FILIP1: variants seen among roughly 807,000 people sequenced by gnomAD.
FILIP1 encodes filamin-A-interacting protein 1.
FILIP1 carries 61 observed loss-of-function variants against 102.1 expected under a neutral mutation model. The observed-to-expected ratio is 0.60, with a 90% confidence interval of 0.49 to 0.74. The LOEUF is 0.74. Among genes scored for constraint, FILIP1 ranks in the 30% least tolerant of loss-of-function variants. The probability of loss-of-function intolerance (pLI) is 0.00; values close to 1 mark genes in which losing one functional copy is unlikely to be tolerated. For synonymous variants in FILIP1, 491 were observed against 526.9 expected (o/e 0.93, Z 0.93); for missense variants, 1,314 against 1,441.2 (o/e 0.91, Z 1.43).
chr6:75,408,605 C>T (rs561661197), intron 2 of FILIP1, among the ~76,000 whole-genome samples: 1 of 152,110 alleles, frequency 6.6e-6, no homozygotes, highest in South Asian at 2.1e-4. Context: ...TTGTCTACAG[C>T]GTCCAAAATG....
chr6:75,366,146 A>G (rs942711628), intron 2 of FILIP1: 3 of 152,244 alleles, frequency 2.0e-5, no homozygotes, highest in Non-Finnish European at 4.4e-5. Context: ...CCTAATATTT[A>G]TTATGATTTA....
At chr6:75,301,506 A>G (rs531054465) in intron 6 of FILIP1, among the ~76,000 whole-genome samples, 14 of 152,090 alleles carry the variant, frequency 9.2e-5, no homozygotes, top group Admixed American at 4.6e-4. Context: ...TATCCTCTTG[A>G]TCTCTAAGGT....
chr6:75,342,650 T>G (rs1176009580), intron 4 of FILIP1, among the ~76,000 whole-genome samples: 1 of 152,184 alleles, frequency 6.6e-6, no homozygotes, highest in African/African-American at 2.4e-5. Context: ...GGAAGGTGGA[T>G]GAGAGGTCAT....
intron 4 of FILIP1, among the ~76,000 whole-genome samples, chr6:75,347,604 T>A (rs1774635348): frequency 6.6e-6 from 1 of 152,208 alleles, no homozygotes; most frequent in Non-Finnish European, 1.5e-5. Flanking sequence ...AACTTAAGAA[T>A]AATGTTCCAG....
chr6:75,312,861 T>G lies in FILIP1; in HGVS notation c.2971A>C (p.Thr991Pro), dbSNP rs750407136. 4 of 1,614,000 alleles carry G rather than the reference T, an allele frequency of 2.5e-6. No individual in the cohort carries two copies. The African/African-American group carries it at 5.3e-5, about 22-fold the overall frequency. The change falls in exon 5 of 6, where the codon ACT becomes CCT. Residue 991 changes from threonine to proline, a missense_variant. This residue lies in a region of FILIP1 where 816 missense variants were observed against 913.1 expected (regional missense o/e 0.89). Coordinates refer to ENST00000237172, the MANE Select transcript of FILIP1 (RefSeq NM_015687.5). ...AATGCGCCTCTTCCACTTTCTGGAG[T>G]CTTCTCTCTGGAAAATGTAGTAATT... Reference protein sequence around the residue: ...VTITTFSREKTPESGRGAFAD... With the variant: ...VTITTFSREKPPESGRGAFAD...
chr6:75,482,099 T>C (rs917276848), intron 1 of FILIP1, among the ~76,000 whole-genome samples: 6 of 152,186 alleles, frequency 3.9e-5, no homozygotes, highest in Non-Finnish European at 7.3e-5. Context: ...GCATTTCACG[T>C]GCTCATTTTG....
chr6:75,433,069 G>A (rs886131298), intron 1 of FILIP1, among the ~76,000 whole-genome samples: 2 of 152,156 alleles, frequency 1.3e-5, no homozygotes, highest in Admixed American at 6.5e-5. Flanking sequence ...TCTTAATCCA[G>A]TCTATCACTG....
chr6:75,444,535 G>A (rs1263104986), intron 1 of FILIP1, among the ~76,000 whole-genome samples: 5 of 136,090 alleles, frequency 3.7e-5, no homozygotes, highest in Non-Finnish European at 1.6e-5. Flanking sequence ...TAATAAAGTA[G>A]TACTTTGATT....
chr6:75,308,198 G>T lies in FILIP1; in HGVS notation c.*493C>A. 2.0e-6 allele frequency: 2 copies of T among 988,358 alleles called. No individual in the cohort carries two copies. Among genetic ancestry groups the T allele is most frequent in the Non-Finnish European group, 2.4e-6 (2 of 831,552 alleles). 61.2% of individuals were successfully genotyped at this position (988,358 alleles called of 1,614,324 possible). ...GAGGTCCAGGCCCTGTGATAGCTAT[G>T]TGATGTTTTTTCCAGCACATAAAGC... On this transcript the variant is annotated 3_prime_UTR_variant, in exon 6 of 6. Transcript: ENST00000237172.
At chr6:75,485,230 C>T (rs1300383238) in intron 1 of FILIP1, among the ~76,000 whole-genome samples, 3 of 152,172 alleles carry the variant, frequency 2.0e-5, no homozygotes, top group Admixed American at 6.5e-5. Flanking sequence ...GCCTTTACTT[C>T]TTTTTCATTG....
intron 2 of FILIP1, among the ~76,000 whole-genome samples, chr6:75,401,384 A>G (rs1007389367): frequency 1.3e-5 from 2 of 151,918 alleles, no homozygotes; most frequent in Non-Finnish European, 2.9e-5. Flanking sequence ...ACCCTTAACC[A>G]TAGATATTTT....
At chr6:75,296,371 GT>G (rs1562414721) in intron 6 of FILIP1, 2 of 151,376 alleles carry the variant, frequency 1.3e-5, no homozygotes, top group African/African-American at 4.9e-5. Flanking sequence ...GTGTGTGTGT[GT>G]GTGTGTGTGT....
intron 2 of FILIP1, among the ~76,000 whole-genome samples, chr6:75,403,524 A>AAAGAAAG: frequency 7.4e-6 from 1 of 134,748 alleles, no homozygotes; most frequent in Admixed American, 7.7e-5. Context: ...CAAAAAAAAA[A>AAAGAAAG]AAAAAAGAAA....
chr6:75,344,508 T>G (rs555048633), intron 4 of FILIP1, among the ~76,000 whole-genome samples: 2 of 152,216 alleles, frequency 1.3e-5, no homozygotes, highest in Non-Finnish European at 2.9e-5. Context: ...ATGGGGTCAG[T>G]TAGCCTGAGC....
At chr6:75,305,986 C>T (rs1772974098), downstream of FILIP1, among the ~76,000 whole-genome samples, 1 of 152,184 alleles carries the variant, frequency 6.6e-6, no homozygotes, top group African/African-American at 2.4e-5. Context: ...ACAAAAAGCA[C>T]ATTAAGTTGC....
intron 1 of FILIP1, among the ~76,000 whole-genome samples, chr6:75,453,468 T>C (rs1778708424): frequency 6.6e-6 from 1 of 152,214 alleles, no homozygotes; most frequent in African/African-American, 2.4e-5. Flanking sequence ...TAGTATGGGT[T>C]AGACAACTGT....
intron 2 of FILIP1, among the ~76,000 whole-genome samples, chr6:75,392,866 G>A (rs2149659720): frequency 6.6e-6 from 1 of 152,292 alleles, no homozygotes; most frequent in African/African-American, 2.4e-5. Flanking sequence ...CTCTTTGCCT[G>A]GTGCCATCCA....
chr6:75,472,314 T>A (rs529982073), intron 1 of FILIP1, among the ~76,000 whole-genome samples: 44 of 152,246 alleles, frequency 2.9e-4, no homozygotes, highest in Non-Finnish European at 3.1e-4. Flanking sequence ...AAGTGCTCTT[T>A]AATTTCTAAA....
At chr6:75,473,539 TTGTC>T (rs757193096) in intron 1 of FILIP1, among the ~76,000 whole-genome samples, 10 of 152,156 alleles carry the variant, frequency 6.6e-5, no homozygotes, top group South Asian at 2.1e-4. Flanking sequence ...AAAAAAGCCT[TTGTC>T]TGTGCTTCCA....
Sources: allele counts gnomAD v4.1 joint callset (sites outside exome capture counted in the v4.1 genomes callset), GRCh38; gene constraint gnomAD v4.1.1; regional missense constraint gnomAD v4.1.1; transcripts MANE v1.5; gene names NCBI Gene and HGNC (gene_info 2026-07-23, HGNC 2026-07-21).